Variants in SYN3 observed in about 807,000 individuals in gnomAD.
SYN3 encodes synapsin-3.
Under a neutral mutation model 65.8 loss-of-function variants are expected in SYN3, and 35 were observed. That is an observed-to-expected ratio of 0.53 (90% CI 0.41 to 0.70). The LOEUF (loss-of-function observed/expected upper bound fraction) is 0.70. SYN3 is among the 30% of genes least tolerant of loss of function. SYN3 has a pLI of 0.00. For missense variants in SYN3, 680 were observed against 749.0 expected (o/e 0.91, Z 1.08); for synonymous variants, 270 against 292.9 (o/e 0.92, Z 0.80).
At chr22:32,770,014 A>T (rs1189957296) in intron 6 of SYN3, among the ~76,000 whole-genome samples, 1 of 152,190 alleles carries the variant, frequency 6.6e-6, no homozygotes, top group Non-Finnish European at 1.5e-5. Flanking sequence ...ATATGTCAGC[A>T]GGCAAACCCT....
chr22:32,863,098 C>T (rs1421445246), intron 6 of SYN3: 2 of 152,620 alleles, frequency 1.3e-5, no homozygotes, highest in Admixed American at 6.5e-5. Context: ...ATGTATACAC[C>T]AGCAGGCCTT....
chr22:32,898,959 GGATGTGGT>G (rs2049679111), intron 4 of SYN3, among the ~76,000 whole-genome samples: 2 of 152,160 alleles, frequency 1.3e-5, no homozygotes, highest in Non-Finnish European at 2.9e-5. Flanking sequence ...AAAATTAGCT[GGATGTGGT>G]GGCGTGTGCC....
chr22:32,634,244 A>G (rs1270668742), intron 6 of SYN3, among the ~76,000 whole-genome samples: 1 of 152,202 alleles, frequency 6.6e-6, no homozygotes, highest in Non-Finnish European at 1.5e-5. Flanking sequence ...ATCTGTGGCT[A>G]CAAAGCTGAT....
At chr22:32,808,000 GA>G (rs1403150909) in intron 6 of SYN3, among the ~76,000 whole-genome samples, 1 of 151,884 alleles carries the variant, frequency 6.6e-6, no homozygotes, top group Non-Finnish European at 1.5e-5. Flanking sequence ...TTGTCTCTTT[GA>G]AAGGGAGCAA....
At chr22:32,937,142 C>T (rs555040128) in intron 3 of SYN3, among the ~76,000 whole-genome samples, 15 of 151,768 alleles carry the variant, frequency 9.9e-5, no homozygotes, top group South Asian at 4.2e-4. Flanking sequence ...GAGAAATCAA[C>T]GAATAGAAAC....
chr22:32,945,383 A>AC (rs1214128654), intron 3 of SYN3, among the ~76,000 whole-genome samples: 3 of 152,078 alleles, frequency 2.0e-5, no homozygotes, highest in Non-Finnish European at 4.4e-5. Context: ...CAGAAATAAT[A>AC]CCACACATCT....
At chr22:32,844,924 T>C (rs2048017843) in intron 6 of SYN3, among the ~76,000 whole-genome samples, 1 of 152,190 alleles carries the variant, frequency 6.6e-6, no homozygotes, top group African/African-American at 2.4e-5. Context: ...AGACAAGGTC[T>C]CACTGTGTTG....
intron 6 of SYN3, among the ~76,000 whole-genome samples, chr22:32,745,550 G>A (rs1395387034): frequency 3.3e-5 from 5 of 152,172 alleles, no homozygotes; most frequent in East Asian, 3.9e-4. Context: ...CCACTGCTCC[G>A]GGAACTGGTG....
intron 6 of SYN3, among the ~76,000 whole-genome samples, chr22:32,754,471 G>T (rs1178677797): frequency 6.6e-6 from 1 of 152,074 alleles, no homozygotes; most frequent in East Asian, 1.9e-4. Context: ...TAAAAAAAAG[G>T]ACTTTGCACT....
At chr22:32,661,340 C>G (rs2060213451) in intron 6 of SYN3, among the ~76,000 whole-genome samples, 1 of 152,222 alleles carries the variant, frequency 6.6e-6, no homozygotes, top group African/African-American at 2.4e-5. Flanking sequence ...CCTTGCATTC[C>G]AGCCCTGGCC....
intron 6 of SYN3, among the ~76,000 whole-genome samples, chr22:32,649,643 C>T (rs1183951000): frequency 6.6e-6 from 1 of 152,080 alleles, no homozygotes; most frequent in Admixed American, 6.5e-5. Context: ...GCGGCTGGGC[C>T]CAAGGCTGGT....
rs150793918 is a variant in SYN3 at position 32,846,525 on chromosome 22, G to A, written c.711+18390C>T. On this transcript the variant is annotated intron_variant, in intron 6 of 13. Coordinates refer to ENST00000358763, the MANE Select transcript of SYN3 (RefSeq NM_003490.4). ...GGATGGACTACATACTGTTCTCAGC[G>A]CTTATATTAATACGACCCTCACAGC... Among the ~76,000 whole-genome samples, 337 of 152,296 alleles carry A rather than the reference G, an allele frequency of 2.2e-3. 1 individual carries two copies. The highest frequency in any genetic ancestry group is 7.9e-3 in the African/African-American group (327 of 41,552).
intron 12 of SYN3, among the ~76,000 whole-genome samples, chr22:32,522,271 TTTAATTACC>T (rs1360345228): frequency 6.6e-6 from 1 of 152,258 alleles, no homozygotes; most frequent in Non-Finnish European, 1.5e-5. Flanking sequence ...GGGCATTTTC[TTTAATTACC>T]TTAATTGGTT....
intron 6 of SYN3, among the ~76,000 whole-genome samples, chr22:32,679,042 T>G (rs1392372577): frequency 1.4e-5 from 2 of 139,668 alleles, no homozygotes; most frequent in South Asian, 4.5e-4. Flanking sequence ...TTTTCTTTGT[T>G]TCTTTCTTTT....
chr22:32,966,119 G>A lies in SYN3; in HGVS notation c.369+14526C>T, dbSNP rs541525239. 2.0e-5 allele frequency among the ~76,000 whole-genome samples: 3 copies of A among 152,280 alleles called. No individual in the cohort carries two copies. The East Asian group carries it at 5.8e-4, about 29-fold the overall frequency. ...AATGAGCCCAGAGTCTACAGGGAGCGAGGGGCAGGTGAATTAGTAATCTCA... is the reference window on the plus strand; with the variant it reads ...AATGAGCCCAGAGTCTACAGGGAGCAAGGGGCAGGTGAATTAGTAATCTCA... On this transcript the variant is annotated intron_variant, in intron 3 of 13. Transcript: ENST00000358763.
At chr22:32,612,399 T>C (rs754704618) in intron 6 of SYN3, among the ~76,000 whole-genome samples, 7 of 152,292 alleles carry the variant, frequency 4.6e-5, no homozygotes, top group Admixed American at 6.5e-5. Flanking sequence ...AGATAGTTAG[T>C]GTCAGAATTG....
At chr22:32,879,660 C>T (rs1264540298) in intron 4 of SYN3, among the ~76,000 whole-genome samples, 1 of 152,148 alleles carries the variant, frequency 6.6e-6, no homozygotes, top group Non-Finnish European at 1.5e-5. Context: ...AGGATTTCAA[C>T]ATTTGAACTC....
chr22:33,048,999 C>T (rs2054116171), intron 1 of SYN3, among the ~76,000 whole-genome samples: 1 of 152,142 alleles, frequency 6.6e-6, no homozygotes, highest in Admixed American at 6.5e-5. Context: ...TGCTGTAGGC[C>T]AGAGTTTTGC....
intron 1 of SYN3, among the ~76,000 whole-genome samples, chr22:33,051,432 G>A (rs750771497): frequency 6.6e-6 from 1 of 152,060 alleles, no homozygotes; most frequent in Admixed American, 6.6e-5. Context: ...CAGCTGCTCT[G>A]CTCCCCTCTC....
Sources: gnomAD v4.1 joint callset for allele counts (sites outside exome capture counted in the v4.1 genomes callset) on GRCh38, gnomAD v4.1.1 for gene constraint, MANE v1.5 for transcripts, NCBI Gene and HGNC (gene_info 2026-07-23, HGNC 2026-07-21) for gene names.